CPNE4: variants seen among roughly 807,000 people sequenced by gnomAD.
CPNE4 encodes copine-4.
Under a neutral mutation model 67.9 loss-of-function variants are expected in CPNE4, and 25 were observed. That is an observed-to-expected ratio of 0.37 (90% confidence interval 0.27 to 0.51). CPNE4 has a LOEUF of 0.51. Ranked by LOEUF, CPNE4 falls within the 20% of genes least tolerant of loss-of-function variation. The pLI, the probability that CPNE4 is intolerant of heterozygous loss-of-function variation, is 0.93. For synonymous variants in CPNE4, 242 were observed against 244.9 expected, an observed-to-expected ratio of 0.99 and a Z score of 0.11; for missense variants, 464 against 690.8, an observed-to-expected ratio of 0.67 and a Z score of 3.68.
At position 131,724,911 on chromosome 3, in the gene CPNE4, A is replaced by C. The variant is rs116404999; in HGVS notation, c.181-1286T>G. Among the ~76,000 whole-genome samples, 890 of 152,308 alleles carry C rather than the reference A, an allele frequency of 5.8e-3. 5 individuals are homozygous for C. Among genetic ancestry groups the C allele is most frequent in the African/African-American group, 0.018 (746 of 41,564 alleles). ...TACTTGTCACAAGTAAAAATATACA[A>C]AACCATTTATATTTTGGGAAGCTTT... On this transcript the variant is annotated intron_variant, in intron 2 of 15. Transcript: ENST00000429747.
At chr3:131,639,482 G>T (rs1316823835) in intron 7 of CPNE4, among the ~76,000 whole-genome samples, 1 of 152,048 alleles carries the variant, frequency 6.6e-6, no homozygotes, top group East Asian at 1.9e-4. Context: ...TCTCTGAACA[G>T]ATCCATAGCA....
intron 9 of CPNE4, among the ~76,000 whole-genome samples, chr3:131,578,021 C>T (rs79864227): frequency 0.036 from 5,519 of 152,014 alleles, 299 homozygotes; most frequent in African/African-American, 0.12. Context: ...AAATTGGGGA[C>T]CATCTGGGTG....
intron 4 of CPNE4, among the ~76,000 whole-genome samples, chr3:131,699,443 G>A (rs1272134237): frequency 6.6e-6 from 1 of 152,206 alleles, no homozygotes; most frequent in Non-Finnish European, 1.5e-5. Context: ...AAAGAGGAGT[G>A]TTAAATGCTG....
intron 7 of CPNE4, among the ~76,000 whole-genome samples, chr3:131,666,797 A>AG (rs1335384135): frequency 1.5e-5 from 2 of 133,788 alleles, no homozygotes; most frequent in African/African-American, 5.8e-5. Flanking sequence ...AGTAAATTAC[A>AG]GGGGGAAAAA....
At chr3:131,862,950 C>G (rs1331378188) in intron 2 of CPNE4, among the ~76,000 whole-genome samples, 1 of 148,180 alleles carries the variant, frequency 6.7e-6, no homozygotes. Flanking sequence ...TGAGTGAGAA[C>G]ATGCGGTGTT....
chr3:131,690,515 A>C (rs1312972601), intron 5 of CPNE4, among the ~76,000 whole-genome samples: 1 of 152,094 alleles, frequency 6.6e-6, no homozygotes, highest in Non-Finnish European at 1.5e-5. Flanking sequence ...TGACCCTTAC[A>C]TTTCACCATA....
chr3:131,860,647 G>T (rs1583345733), intron 2 of CPNE4, among the ~76,000 whole-genome samples: 1 of 150,716 alleles, frequency 6.6e-6, no homozygotes, highest in Non-Finnish European at 1.5e-5. Flanking sequence ...TCTAGGTTTG[G>T]ATTACATGAT....
chr3:131,776,234 ATTTGTTATGGACCTGATGTCAATACCT>A (rs879776074), intron 2 of CPNE4, among the ~76,000 whole-genome samples: 30,570 of 151,722 alleles, frequency 0.2, 3,773 homozygotes, highest in Middle Eastern at 0.27. Flanking sequence ...CTATCAATAT[ATTTGTTATGGACCTGATGTCAATACCT>A]CCTTCAGTAA....
intron 2 of CPNE4, among the ~76,000 whole-genome samples, chr3:131,727,561 TA>T (rs929085740): frequency 3.3e-5 from 5 of 152,016 alleles, no homozygotes; most frequent in African/African-American, 4.8e-5. Flanking sequence ...GGTGCTCATT[TA>T]AAAAAAACAG....
At chr3:131,929,667 C>G (rs976444445) in intron 1 of CPNE4, among the ~76,000 whole-genome samples, 1 of 152,122 alleles carries the variant, frequency 6.6e-6, no homozygotes, top group African/African-American at 2.4e-5. Flanking sequence ...TTCTCCCTCC[C>G]TTATCAAAAT....
At chr3:132,009,536 A>C (rs1329359922) in intron 1 of CPNE4, among the ~76,000 whole-genome samples, 1 of 152,204 alleles carries the variant, frequency 6.6e-6, no homozygotes, top group East Asian at 1.9e-4. Context: ...TCCAGGTTCA[A>C]AGAGAGGGTG....
intron 2 of CPNE4, among the ~76,000 whole-genome samples, chr3:131,816,908 T>C (rs950533963): frequency 1.3e-5 from 2 of 152,222 alleles, no homozygotes; most frequent in Admixed American, 1.3e-4. Context: ...ATATTTTACA[T>C]ACAGTAAACT....
At chr3:131,900,831 A>C (rs1030700213) in intron 2 of CPNE4, among the ~76,000 whole-genome samples, 13 of 152,156 alleles carry the variant, frequency 8.5e-5, no homozygotes, top group African/African-American at 3.1e-4. Context: ...AATCGTCACT[A>C]ACAATAATTA....
Position 131,804,876 on chromosome 3 carries a change from T to C in CPNE4, c.181-81251A>G, listed in dbSNP as rs567199594. 3.3e-5 allele frequency among the ~76,000 whole-genome samples: 5 copies of C among 152,352 alleles called. No individual in the cohort carries two copies. In the East Asian group the frequency reaches 9.6e-4, roughly 29 times the overall value. On this transcript the variant is annotated intron_variant, in intron 2 of 15. Coordinates refer to ENST00000429747, the MANE Select transcript of CPNE4 (RefSeq NM_130808.3). ...TTATCTGCAGTTGGGCACAGACACA[T>C]GAGAAAGTCCATCTGAGACCAGAAT...
intron 2 of CPNE4, among the ~76,000 whole-genome samples, chr3:131,761,401 T>C (rs1356454012): frequency 3.9e-5 from 6 of 151,992 alleles, no homozygotes; most frequent in Admixed American, 6.6e-5. Context: ...TCCTCATTCT[T>C]AATCAGATTA....
intron 2 of CPNE4, among the ~76,000 whole-genome samples, chr3:131,788,232 G>A (rs983266113): frequency 1.3e-4 from 20 of 149,646 alleles, no homozygotes; most frequent in African/African-American, 4.4e-4. Flanking sequence ...AAAAACAAAA[G>A]ACAAATAAAC....
intron 7 of CPNE4, among the ~76,000 whole-genome samples, chr3:131,626,097 T>TCC (rs1223282753): frequency 6.6e-6 from 1 of 152,168 alleles, no homozygotes; most frequent in Admixed American, 6.5e-5. Flanking sequence ...CTGGCTATTC[T>TCC]CCCATCTCTC....
intron 8 of CPNE4, among the ~76,000 whole-genome samples, chr3:131,587,082 C>T (rs559353577): frequency 2.0e-5 from 3 of 152,248 alleles, no homozygotes; most frequent in South Asian, 4.1e-4. Flanking sequence ...GTGCTAGGCG[C>T]TCTGCTATCA....
At chr3:131,771,310 T>A in intron 2 of CPNE4, among the ~76,000 whole-genome samples, 1 of 152,126 alleles carries the variant, frequency 6.6e-6, no homozygotes, top group East Asian at 1.9e-4. Flanking sequence ...TTGTCACTGT[T>A]ATAGTTGGTA....
Sources: gnomAD v4.1 joint callset for allele counts (sites outside exome capture counted in the v4.1 genomes callset) on GRCh38, gnomAD v4.1.1 for gene constraint, MANE v1.5 for transcripts, NCBI Gene and HGNC (gene_info 2026-07-23, HGNC 2026-07-21) for gene names.